Variants in SEMA6D observed in about 807,000 individuals in gnomAD.
The protein encoded by SEMA6D is semaphorin 6D.
A neutral mutation model predicts 106.6 loss-of-function variants in SEMA6D; 35 were observed. That is an observed-to-expected ratio of 0.33 (90% confidence interval 0.25 to 0.44). The LOEUF (loss-of-function observed/expected upper bound fraction) is 0.44, where lower values mean the gene tolerates loss of function less well. Among genes scored for constraint, SEMA6D ranks in the 20% least tolerant of loss-of-function variants. The pLI is 1.00. For synonymous variants in SEMA6D, 499 were observed against 487.7 expected (o/e 1.02, Z -0.31); for missense variants, 1,185 against 1,345.9 (o/e 0.88, Z 1.87).
rs2082619593 is a variant in SEMA6D at position 47,771,380 on chromosome 15, T to C, written c.2817T>C (p.Asn939=). ...LYSPPSTLPR[N]SPTKRVDVPT... ...CCCCTCCTTCAACTCTCCCCAGAAA[T>C]AGCCCAACCAAGCGAGTGGATGTCC... The change falls in exon 19 of 19, where the codon AAT becomes AAC. Residue 939 remains asparagine, a synonymous_variant. Transcript: ENST00000536845. The C allele has an allele frequency of 1.2e-6, 2 of 1,613,788 alleles. No homozygotes were observed. Among genetic ancestry groups the C allele is most frequent in the African/African-American group, 2.7e-5 (2 of 74,848 alleles).
Position 47,421,245 on chromosome 15 carries a change from CT to C in SEMA6D, c.-159+8774del, listed in dbSNP as rs2041143806. On this transcript the variant is annotated intron_variant, in intron 2 of 19. Coordinates refer to the SEMA6D transcript ENST00000558014. ...GTTCTCAATCTCAGGTTCTCACCAC[CT>C]GCAGTTTCTGAGGCAGTGCCATATA... 2.0e-5 allele frequency among the ~76,000 whole-genome samples: 3 copies of C among 152,096 alleles called. No individual in the cohort carries two copies. The South Asian group carries it at 6.2e-4, about 31-fold the overall frequency.
chr15:47,285,238 G>GTCTC (rs75446452), intron 1 of SEMA6D, among the ~76,000 whole-genome samples: 2,581 of 150,708 alleles, frequency 0.017, 40 homozygotes, highest in African/African-American at 0.02. Context: ...CCCCCACTCT[G>GTCTC]TCTCTCTCTC....
chr15:47,545,323 G>A (rs2045487209), intron 3 of SEMA6D, among the ~76,000 whole-genome samples: 1 of 152,084 alleles, frequency 6.6e-6, no homozygotes, highest in Non-Finnish European at 1.5e-5. Context: ...AATACAATGG[G>A]CACTCATCAA....
At chr15:47,742,677 G>T (rs1322750890) in intron 1 of SEMA6D, among the ~76,000 whole-genome samples, 1 of 152,128 alleles carries the variant, frequency 6.6e-6, no homozygotes, top group African/African-American at 2.4e-5. Context: ...GAAAGAGGTG[G>T]CTCTGCCTCT....
chr15:47,336,781 A>G (rs1426934996), intron 1 of SEMA6D, among the ~76,000 whole-genome samples: 12 of 152,258 alleles, frequency 7.9e-5, no homozygotes, highest in South Asian at 2.1e-4. Context: ...GTTGAATTCT[A>G]TAGACATTTG....
intron 1 of SEMA6D, among the ~76,000 whole-genome samples, chr15:47,750,163 A>G (rs1481891238): frequency 1.3e-5 from 2 of 152,140 alleles, no homozygotes; most frequent in Admixed American, 1.3e-4. Context: ...GAGAAAGCAG[A>G]GGCAGCCTCA....
At position 47,767,108 on chromosome 15, in the gene SEMA6D, A is replaced by AT. The variant is rs1432731836; in HGVS notation, c.1765+22dup. ...TCCAACATCTGGTTAGTTTTTTTTA[A>AT]TTTTTTTGAATTAACAACCTTTTCT... On this transcript the variant is annotated intron_variant, in intron 17 of 18. Transcript: ENST00000536845. 8 of 1,511,498 alleles carry AT rather than the reference A, an allele frequency of 5.3e-6. No homozygotes were observed. Among genetic ancestry groups the AT allele is most frequent in the South Asian group, 1.2e-5 (1 of 81,352 alleles). 93.6% of individuals were successfully genotyped at this position (1,511,498 alleles called of 1,614,324 possible). A position where few individuals can be genotyped will look rare whatever the true frequency, so the allele number is the denominator to read the frequency against.
intron 3 of SEMA6D, among the ~76,000 whole-genome samples, chr15:47,489,021 G>A (rs1197230855): frequency 6.6e-6 from 1 of 152,128 alleles, no homozygotes; most frequent in Non-Finnish European, 1.5e-5. Flanking sequence ...GCTTATTTGG[G>A]GGGAAAAACA....
At chr15:47,197,633 T>TG (rs1460352368) in intron 1 of SEMA6D, among the ~76,000 whole-genome samples, 1 of 151,656 alleles carries the variant, frequency 6.6e-6, no homozygotes, top group Non-Finnish European at 1.5e-5. Flanking sequence ...ACAAAATTAG[T>TG]GGGAAAAAAA....
intron 1 of SEMA6D, among the ~76,000 whole-genome samples, chr15:47,256,665 C>A (rs1296015133): frequency 6.6e-6 from 1 of 152,036 alleles, no homozygotes; most frequent in Non-Finnish European, 1.5e-5. Flanking sequence ...TCGAGACCAG[C>A]CTGACCAACA....
chr15:47,526,931 G>A (rs1001255411), intron 3 of SEMA6D, among the ~76,000 whole-genome samples: 10 of 152,054 alleles, frequency 6.6e-5, no homozygotes, highest in African/African-American at 2.4e-4. Context: ...TAGAGATGGG[G>A]TTTCACTATG....
chr15:47,711,943 A>G (rs1201524519), intron 4 of SEMA6D, among the ~76,000 whole-genome samples: 20 of 152,140 alleles, frequency 1.3e-4, no homozygotes, highest in Admixed American at 1.2e-3. Context: ...AATGCTTAAG[A>G]TTTGGGGGAA....
chr15:47,770,957 T>A lies in SEMA6D; in HGVS notation c.2394T>A (p.His798Gln). The A allele has an allele frequency of 6.2e-7, 1 of 1,614,122 alleles. No homozygotes were observed. Reference sequence around the variant, plus strand: ...GCCACTCAGAAAAGGCCCATGGCCATGGAGCTTCAAGGAAAGAAACCCCTC... The same window carrying A: ...GCCACTCAGAAAAGGCCCATGGCCAAGGAGCTTCAAGGAAAGAAACCCCTC... ...MKSHSEKAHG[H>Q]GASRKETPQF... Residue 798 changes from histidine to glutamine, a missense_variant, in exon 19 of 19, where the codon CAT becomes CAA. Physicochemically the swap from His to Gln is conservative, Grantham distance 24 (BLOSUM62 0). Coordinates refer to ENST00000536845, the MANE Select transcript of SEMA6D (RefSeq NM_001358351.3).
At position 47,624,312 on chromosome 15, in the gene SEMA6D, T is replaced by A. The variant is rs563179213; in HGVS notation, c.-55+23416T>A. 3.3e-5 allele frequency among the ~76,000 whole-genome samples: 5 copies of A among 152,304 alleles called. No individual in the cohort carries two copies. In the South Asian group the frequency reaches 1.0e-3, roughly 32 times the overall value. ...AGGTATTTGCCCATATGCTCACACT[T>A]ATTCTACTGCCTTGCACATTTCTAT... On this transcript the variant is annotated intron_variant, in intron 4 of 19. Coordinates refer to the SEMA6D transcript ENST00000558014.
chr15:47,277,880 G>T, intron 1 of SEMA6D, among the ~76,000 whole-genome samples: 1 of 149,326 alleles, frequency 6.7e-6, no homozygotes, highest in South Asian at 2.1e-4. Context: ...TTTTGTTCTT[G>T]CGATAGTTTA....
At chr15:47,634,871 G>A (rs542903804) in intron 4 of SEMA6D, among the ~76,000 whole-genome samples, 1 of 152,288 alleles carries the variant, frequency 6.6e-6, no homozygotes, top group Admixed American at 6.5e-5. Flanking sequence ...AACCTCCTAG[G>A]GGATGATGGT....
intron 3 of SEMA6D, among the ~76,000 whole-genome samples, chr15:47,563,251 A>G (rs1374440419): frequency 2.0e-5 from 3 of 152,198 alleles, no homozygotes; most frequent in African/African-American, 7.2e-5. Flanking sequence ...CAAAATCTGG[A>G]TTGTAATGAC....
chr15:47,409,256 A>G (rs1158449554), intron 1 of SEMA6D, among the ~76,000 whole-genome samples: 1 of 152,184 alleles, frequency 6.6e-6, no homozygotes, highest in Non-Finnish European at 1.5e-5. Flanking sequence ...CCTGGAGGAA[A>G]TGTGGGAGAG....
intron 1 of SEMA6D, among the ~76,000 whole-genome samples, chr15:47,353,930 T>A (rs943477058): frequency 6.6e-6 from 1 of 152,092 alleles, no homozygotes; most frequent in Admixed American, 6.6e-5. Flanking sequence ...ATGAAGAATA[T>A]ATCTTAAGAT....
Sources: gnomAD v4.1 joint callset for allele counts (sites outside exome capture counted in the v4.1 genomes callset) on GRCh38, gnomAD v4.1.1 for gene constraint, MANE v1.5 for transcripts, NCBI Gene and HGNC (gene_info 2026-07-23, HGNC 2026-07-21) for gene names.